Variants in KCNIP4 observed in about 807,000 individuals in gnomAD.
The protein encoded by KCNIP4 is potassium voltage-gated channel interacting protein 4.
A neutral mutation model predicts 34.0 loss-of-function variants in KCNIP4; 12 were observed. The ratio of observed to expected loss-of-function variants is 0.35; its 90% CI spans 0.23 to 0.57. The LOEUF (loss-of-function observed/expected upper bound fraction) is 0.57, where lower values mean the gene tolerates loss of function less well. Among genes scored for constraint, KCNIP4 ranks in the 20% least tolerant of loss-of-function variants. The pLI is 0.83. For synonymous variants in KCNIP4, 124 were observed against 102.2 expected (o/e 1.21, Z -1.29); for missense variants, 238 against 311.7 (o/e 0.76, Z 1.78).
At chr4:20,896,069 G>T (rs915140200) in intron 1 of KCNIP4, among the ~76,000 whole-genome samples, 1 of 152,112 alleles carries the variant, frequency 6.6e-6, no homozygotes, top group Non-Finnish European at 1.5e-5. Flanking sequence ...GGCTTCTGAG[G>T]AGGAACTGGA....
At chr4:21,630,929 C>A (rs1745722448) in intron 1 of KCNIP4, among the ~76,000 whole-genome samples, 1 of 152,172 alleles carries the variant, frequency 6.6e-6, no homozygotes, top group Non-Finnish European at 1.5e-5. Flanking sequence ...GTGTCTTGAA[C>A]ACCATATGGT....
intron 1 of KCNIP4, among the ~76,000 whole-genome samples, chr4:21,572,600 A>G (rs1740442950): frequency 6.6e-6 from 1 of 151,978 alleles, no homozygotes; most frequent in Non-Finnish European, 1.5e-5. Flanking sequence ...AACATTGCTG[A>G]AAAAAATGCA....
intron 3 of KCNIP4, among the ~76,000 whole-genome samples, chr4:20,842,363 C>G (rs545155474): frequency 2.6e-5 from 4 of 152,086 alleles, no homozygotes; most frequent in African/African-American, 9.6e-5. Context: ...ACTTCAGCTG[C>G]AGGCAGTTCC....
intron 1 of KCNIP4, among the ~76,000 whole-genome samples, chr4:21,810,036 G>A (rs115228124): frequency 0.011 from 1,744 of 152,224 alleles, 35 homozygotes; most frequent in African/African-American, 0.04. Flanking sequence ...AAAGACTCCA[G>A]AGTCTGCATT....
At chr4:21,733,261 G>T (rs954374911) in intron 1 of KCNIP4, among the ~76,000 whole-genome samples, 13 of 152,118 alleles carry the variant, frequency 8.5e-5, no homozygotes, top group African/African-American at 3.1e-4. Context: ...TCTATCTCCT[G>T]ATTGGGACAT....
intron 1 of KCNIP4, among the ~76,000 whole-genome samples, chr4:21,113,075 A>C (rs778165810): frequency 1.2e-3 from 177 of 152,342 alleles, no homozygotes; most frequent in Non-Finnish European, 1.9e-3. Flanking sequence ...TACATTTGAC[A>C]ATTCCTATTC....
chr4:21,683,258 A>G (rs1392607372), intron 1 of KCNIP4, among the ~76,000 whole-genome samples: 2 of 152,042 alleles, frequency 1.3e-5, no homozygotes, highest in Non-Finnish European at 2.9e-5. Context: ...TTATTACAAT[A>G]AAAACACTTG....
intron 1 of KCNIP4, among the ~76,000 whole-genome samples, chr4:21,773,320 A>G (rs1560703617): frequency 1.3e-5 from 2 of 152,092 alleles, no homozygotes; most frequent in African/African-American, 4.8e-5. Context: ...TTTGCTGTGG[A>G]GTGTTTTACT....
At chr4:21,208,228 T>C (rs1033574384) in intron 1 of KCNIP4, among the ~76,000 whole-genome samples, 3 of 152,204 alleles carry the variant, frequency 2.0e-5, no homozygotes, top group Non-Finnish European at 4.4e-5. Flanking sequence ...GCTAATTTTG[T>C]CCTCCATTCC....
At chr4:21,740,531 T>C (rs368645148) in intron 1 of KCNIP4, among the ~76,000 whole-genome samples, 23 of 152,148 alleles carry the variant, frequency 1.5e-4, no homozygotes, top group East Asian at 3.9e-4. Flanking sequence ...GAGCCCCCCT[T>C]CATAGAGCTT....
chr4:21,390,759 T>G (rs1722489858), intron 1 of KCNIP4, among the ~76,000 whole-genome samples: 1 of 152,214 alleles, frequency 6.6e-6, no homozygotes, highest in South Asian at 2.1e-4. Context: ...TTTGTTCTTT[T>G]GGCTTAGGAT....
At chr4:21,180,560 TAC>T (rs1754765803) in intron 1 of KCNIP4, among the ~76,000 whole-genome samples, 1 of 151,912 alleles carries the variant, frequency 6.6e-6, no homozygotes, top group South Asian at 2.1e-4. Flanking sequence ...CTTCAGTTTT[TAC>T]AGATAGTTTC....
At chr4:20,972,020 C>T (rs949552534) in intron 1 of KCNIP4, among the ~76,000 whole-genome samples, 26 of 152,228 alleles carry the variant, frequency 1.7e-4, no homozygotes, top group African/African-American at 6.3e-4. Context: ...CTAGAAGACA[C>T]TACTCCTCAT....
At chr4:21,488,917 C>T (rs1170010082) in intron 1 of KCNIP4, among the ~76,000 whole-genome samples, 2 of 152,076 alleles carry the variant, frequency 1.3e-5, no homozygotes, top group African/African-American at 4.8e-5. Context: ...AGCACTTCAC[C>T]TCAGGGATTT....
chr4:21,415,044 T>A (rs1724826750), intron 1 of KCNIP4, among the ~76,000 whole-genome samples: 2 of 152,258 alleles, frequency 1.3e-5, no homozygotes, highest in Non-Finnish European at 1.5e-5. Context: ...AAATGCTAGA[T>A]CTTATTCATT....
At chr4:21,337,597 C>A (rs1230819548) in intron 1 of KCNIP4, among the ~76,000 whole-genome samples, 1 of 151,980 alleles carries the variant, frequency 6.6e-6, no homozygotes, top group African/African-American at 2.4e-5. Flanking sequence ...TTAGTATTCC[C>A]ACATAAAATT....
chr4:21,793,164 A>AAT lies in KCNIP4; in HGVS notation c.61+155405_61+155406dup, dbSNP rs1720405819. ...AGAAATCTATCCATATATCAATGGA[A>AAT]ATTTGTATACCCAGCAAATATAAGA... On this transcript the variant is annotated intron_variant, in intron 1 of 8. Transcript: ENST00000382152. 2.0e-5 allele frequency among the ~76,000 whole-genome samples: 3 copies of AAT among 152,370 alleles called. No individual in the cohort carries two copies. In the South Asian group the frequency reaches 6.2e-4, roughly 32 times the overall value.
At chr4:21,375,127 A>T (rs982383518) in intron 1 of KCNIP4, among the ~76,000 whole-genome samples, 3 of 147,442 alleles carry the variant, frequency 2.0e-5, no homozygotes, top group African/African-American at 8.1e-5. Flanking sequence ...TAGGTTACTC[A>T]AGTATTCAAA....
intron 1 of KCNIP4, among the ~76,000 whole-genome samples, chr4:21,131,067 G>T (rs1447928282): frequency 1.3e-5 from 2 of 152,030 alleles, no homozygotes; most frequent in Non-Finnish European, 2.9e-5. Context: ...GTCAGGGAAC[G>T]TATTTCTGTA....
Sources: allele counts gnomAD v4.1 joint callset (sites outside exome capture counted in the v4.1 genomes callset), GRCh38; gene constraint gnomAD v4.1.1; transcripts MANE v1.5; gene names NCBI Gene and HGNC (gene_info 2026-07-23, HGNC 2026-07-21).